XRCC4: variants seen among roughly 807,000 people sequenced by gnomAD.
The protein encoded by XRCC4 is DNA repair protein XRCC4.
A neutral mutation model predicts 39.1 loss-of-function variants in XRCC4; 28 were observed. The ratio of observed to expected loss-of-function variants is 0.72; its 90% CI spans 0.53 to 0.98. XRCC4 has a LOEUF of 0.98. XRCC4 is among the 50% of genes least tolerant of loss of function. The pLI, the probability that XRCC4 is intolerant of heterozygous loss-of-function variation, is 0.00. For missense variants in XRCC4, 350 were observed against 376.4 expected (o/e 0.93, Z 0.58); for synonymous variants, 123 against 126.4 (o/e 0.97, Z 0.18).
At chr5:83,134,615 C>T (rs1343873226) in intron 3 of XRCC4, among the ~76,000 whole-genome samples, 1 of 152,160 alleles carries the variant, frequency 6.6e-6, no homozygotes, top group African/African-American at 2.4e-5. Flanking sequence ...TAAAATGGAC[C>T]AATCAGCAGG....
chr5:83,227,789 A>C (rs1360052157), intron 6 of XRCC4, among the ~76,000 whole-genome samples: 1 of 152,012 alleles, frequency 6.6e-6, no homozygotes, highest in Non-Finnish European at 1.5e-5. Flanking sequence ...TTTTTCTCTC[A>C]TGAGAAAAAA....
intron 3 of XRCC4, among the ~76,000 whole-genome samples, chr5:83,135,261 C>T (rs1747836966): frequency 6.6e-6 from 1 of 152,138 alleles, no homozygotes; most frequent in Non-Finnish European, 1.5e-5. Context: ...GTACCTGGTA[C>T]CTCCATTGGA....
chr5:83,282,372 A>G (rs1190349977), intron 7 of XRCC4, among the ~76,000 whole-genome samples: 1 of 152,176 alleles, frequency 6.6e-6, no homozygotes, highest in Non-Finnish European at 1.5e-5. Flanking sequence ...TTAAGTCATT[A>G]GTTTTTAGAC....
intron 7 of XRCC4, among the ~76,000 whole-genome samples, chr5:83,273,879 A>G (rs1754230949): frequency 6.6e-6 from 1 of 151,376 alleles, no homozygotes; most frequent in Admixed American, 6.6e-5. Flanking sequence ...CTTTTTGCTT[A>G]GTATTGTCTT....
At chr5:83,130,706 A>G (rs1013117081) in intron 3 of XRCC4, among the ~76,000 whole-genome samples, 1 of 152,114 alleles carries the variant, frequency 6.6e-6, no homozygotes, top group Non-Finnish European at 1.5e-5. Context: ...GGGAGGGTGT[A>G]TGTGTCGAGG....
rs1162691971 is a variant in XRCC4, at chr5:83,143,162, A to G, written c.315+31959A>G. Among the ~76,000 whole-genome samples the G allele has an allele frequency of 2.0e-5, 3 of 152,308 alleles. No homozygotes were observed. The East Asian group carries it at 5.8e-4, about 29-fold the overall frequency. On this transcript the variant is annotated intron_variant, in intron 3 of 7. Transcript: ENST00000396027. The stretch of plus-strand genomic sequence containing the variant: ...TTTGTTAGTATTATTTTAAGATTAA[A>G]TGACTTACGAAAGTCCTGCTCCAGT...
intron 3 of XRCC4, among the ~76,000 whole-genome samples, chr5:83,171,222 G>A (rs1749706546): frequency 6.6e-6 from 1 of 152,024 alleles, no homozygotes; most frequent in Non-Finnish European, 1.5e-5. Flanking sequence ...CCAGATTTAA[G>A]TTTACAATCT....
chr5:83,372,479 G>A, the XRCC4 span, among the ~76,000 whole-genome samples: 2 of 152,106 alleles, frequency 1.3e-5, no homozygotes, highest in Non-Finnish European at 2.9e-5. Flanking sequence ...GTCCTACTCC[G>A]AGGTTCCCAA....
At chr5:83,196,521 T>A (rs1421669252) in intron 4 of XRCC4, among the ~76,000 whole-genome samples, 1 of 151,942 alleles carries the variant, frequency 6.6e-6, no homozygotes, top group East Asian at 1.9e-4. Context: ...TTTTTTTAAA[T>A]TATGAACTTT....
intron 3 of XRCC4, among the ~76,000 whole-genome samples, chr5:83,153,572 C>T (rs1748818856): frequency 6.6e-6 from 1 of 152,124 alleles, no homozygotes; most frequent in Non-Finnish European, 1.5e-5. Context: ...ATATATTCAG[C>T]ATCATTAGCC....
intron 3 of XRCC4, among the ~76,000 whole-genome samples, chr5:83,173,877 GA>G (rs1749837196): frequency 6.6e-6 from 1 of 152,132 alleles, no homozygotes; most frequent in Non-Finnish European, 1.5e-5. Flanking sequence ...GAAGAGTTTA[GA>G]ACAAGTCTCT....
chr5:83,252,942 T>C (rs1421125999), intron 6 of XRCC4, among the ~76,000 whole-genome samples: 1 of 152,194 alleles, frequency 6.6e-6, no homozygotes, highest in Non-Finnish European at 1.5e-5. Flanking sequence ...GTATTCATAA[T>C]TTAATTGGAG....
chr5:83,131,724 A>C (rs1211780862), intron 3 of XRCC4, among the ~76,000 whole-genome samples: 1 of 147,668 alleles, frequency 6.8e-6, no homozygotes, highest in Non-Finnish European at 1.5e-5. Flanking sequence ...TTTATTTTCC[A>C]TTTGCTTGGT....
At chr5:83,325,815 T>TA (rs1483768720) in intron 7 of XRCC4, among the ~76,000 whole-genome samples, 2 of 152,096 alleles carry the variant, frequency 1.3e-5, no homozygotes, top group Non-Finnish European at 2.9e-5. Flanking sequence ...TTTCTTTAGA[T>TA]ATATATACAG....
intron 6 of XRCC4, among the ~76,000 whole-genome samples, chr5:83,255,650 C>T (rs376004134): frequency 3.4e-4 from 52 of 152,148 alleles, no homozygotes; most frequent in African/African-American, 8.7e-4. Flanking sequence ...GCCACACATA[C>T]GATTATTAAC....
intron 7 of XRCC4, among the ~76,000 whole-genome samples, chr5:83,325,453 C>A (rs1053473739): frequency 1.3e-5 from 2 of 152,002 alleles, no homozygotes; most frequent in Admixed American, 6.6e-5. Flanking sequence ...TCCTGATGCT[C>A]TCCCTCCCCC....
At chr5:83,342,155 G>A (rs1036398114) in intron 7 of XRCC4, among the ~76,000 whole-genome samples, 1 of 152,116 alleles carries the variant, frequency 6.6e-6, no homozygotes, top group African/African-American at 2.4e-5. Flanking sequence ...TGTGTACTTT[G>A]GTATTGATTA....
intron 6 of XRCC4, among the ~76,000 whole-genome samples, chr5:83,226,416 C>G (rs1471895088): frequency 1.3e-5 from 2 of 151,996 alleles, no homozygotes; most frequent in African/African-American, 4.8e-5. Context: ...AGTCCTTTTT[C>G]TATACTGGCC....
Position 83,353,435 on chromosome 5 carries a change from G to A in XRCC4, c.*193G>A. 2 of 439,846 alleles carry A rather than the reference G, an allele frequency of 4.5e-6. No individual in the cohort carries two copies. The highest frequency in any genetic ancestry group is 7.7e-5 in the East Asian group (2 of 25,878). 27.2% of individuals were successfully genotyped at this position (439,846 alleles called of 1,614,324 possible). A position where few individuals can be genotyped will look rare whatever the true frequency, so the allele number is the denominator to read the frequency against. On this transcript the variant is annotated 3_prime_UTR_variant, in exon 8 of 8. Transcript: ENST00000396027. ...AAGATACGATTTGATGATGACACTG[G>A]CACATTATTCTAAACTATTCATTCA...
Sources: allele counts gnomAD v4.1 joint callset (sites outside exome capture counted in the v4.1 genomes callset), GRCh38; gene constraint gnomAD v4.1.1; transcripts MANE v1.5; gene names NCBI Gene and HGNC (gene_info 2026-07-23, HGNC 2026-07-21).